The following TNC variants were observed in gnomAD, a reference collection of about 807,000 sequenced individuals.
TNC encodes the protein tenascin.
Under a neutral mutation model 202.4 loss-of-function variants are expected in TNC, and 109 were observed. That is an observed-to-expected ratio of 0.54 (90% confidence interval 0.46 to 0.63). The LOEUF is 0.63. Among genes scored for constraint, TNC ranks in the 30% least tolerant of loss-of-function variants. TNC has a pLI of 0.00. For synonymous variants in TNC, 1,007 were observed against 1,089.7 expected (o/e 0.92, Z 1.50); for missense variants, 2,756 against 2,833.3 (o/e 0.97, Z 0.62).
At chr9:115,110,949 G>C (rs1434513657) in intron 1 of TNC, among the ~76,000 whole-genome samples, 1 of 150,250 alleles carries the variant, frequency 6.7e-6, no homozygotes, top group East Asian at 2.0e-4. Flanking sequence ...GTGTGATCTC[G>C]GCTAACTGCA....
intron 1 of TNC, among the ~76,000 whole-genome samples, chr9:115,093,072 A>G (rs895219640): frequency 6.6e-6 from 1 of 152,192 alleles, no homozygotes; most frequent in East Asian, 1.9e-4. Flanking sequence ...ATGCATCAAC[A>G]TGATCCCAAC....
intron 1 of TNC, among the ~76,000 whole-genome samples, chr9:115,111,532 C>T (rs1837065483): frequency 6.7e-6 from 1 of 150,116 alleles, no homozygotes; most frequent in Non-Finnish European, 1.5e-5. Flanking sequence ...CTTCAGCTTC[C>T]TGAGTAGCTG....
At chr9:115,046,306 C>T (rs112503342) in intron 17 of TNC, 104 bp downstream of exon 17, 19 of 1,342,580 alleles carry the variant, frequency 1.4e-5, no homozygotes, top group South Asian at 4.1e-5. Context: ...AGGATCAGAG[C>T]GCCAGCCTGC....
intron 7 of TNC, 92 bp from the exon 8 acceptor site, chr9:115,076,667 G>T: frequency 1.4e-6 from 2 of 1,403,286 alleles, no homozygotes; most frequent in South Asian, 1.3e-5. Flanking sequence ...AAACGTGCCT[G>T]GAACTGGAGA....
At chr9:115,096,548 G>A (rs1385178209) in intron 1 of TNC, among the ~76,000 whole-genome samples, 1 of 152,200 alleles carries the variant, frequency 6.6e-6, no homozygotes, top group Non-Finnish European at 1.5e-5. Context: ...ATCAAGAAGA[G>A]TCTATAAGAA....
intron 15 of TNC, among the ~76,000 whole-genome samples, 185 bp downstream of exon 15, chr9:115,056,968 T>C (rs1186452344): frequency 2.0e-5 from 3 of 152,360 alleles, no homozygotes; most frequent in South Asian, 4.1e-4. Flanking sequence ...GCACATGTCT[T>C]TATGGCAATG....
chr9:115,063,596 G>A (rs552489922), intron 12 of TNC, among the ~76,000 whole-genome samples, 200 bp downstream of exon 12: 1 of 152,132 alleles, frequency 6.6e-6, no homozygotes, highest in Non-Finnish European at 1.5e-5. Flanking sequence ...GGAGGAGTAG[G>A]TGGAATTTTC....
intron 1 of TNC, among the ~76,000 whole-genome samples, chr9:115,113,958 G>A (rs1837267848): frequency 6.6e-6 from 1 of 152,178 alleles, no homozygotes; most frequent in South Asian, 2.1e-4. Flanking sequence ...GGGCATAACT[G>A]AAAAATGTCT....
At chr9:115,041,310 G>GA (rs1830731237) in intron 18 of TNC, among the ~76,000 whole-genome samples, 1 of 124,604 alleles carries the variant, frequency 8.0e-6, no homozygotes, top group Admixed American at 8.2e-5. Flanking sequence ...CAGGAGGGGC[G>GA]GGGGAAAACA....
intron 1 of TNC, among the ~76,000 whole-genome samples, chr9:115,102,966 GC>G (rs1163743057): frequency 6.6e-6 from 1 of 152,168 alleles, no homozygotes; most frequent in Admixed American, 6.5e-5. Context: ...TTTCCTGATG[GC>G]CCTAATGTAA....
At chr9:115,046,767 A>ACTAC in intron 16 of TNC, 85 bp from the exon 17 acceptor site, 5 of 1,489,384 alleles carry the variant, frequency 3.4e-6, no homozygotes, top group Non-Finnish European at 4.6e-6. Context: ...TAGGGGTATC[A>ACTAC]ATATGTAGTG....
At chr9:115,066,536 T>C (rs749733001) in intron 10 of TNC, among the ~76,000 whole-genome samples, 24 of 152,196 alleles carry the variant, frequency 1.6e-4, no homozygotes, top group Non-Finnish European at 3.4e-4. Context: ...AACTCAGACA[T>C]TTCTAAGTTC....
chr9:115,035,233 C>G lies in TNC; in HGVS notation c.5758G>C (p.Val1920Leu), dbSNP rs747230674. ...ACTGTGCCATCCACTGATTCATAGA[C>G]CAGCAGGTAACCGGTGACTGATGCC... The part of the protein sequence containing the change: ...PRASVTGYLL[V>L]YESVDGTVKE... The change falls in exon 22 of 28, where the codon GTC (valine) becomes CTC (leucine). Residue 1920 changes from valine (V) to leucine (L), a missense_variant. By Grantham distance (32) the Val-to-Leu change is conservative (BLOSUM62 1). Around this residue, in one of 2 missense-constraint regions of TNC, gnomAD observed 2,559 missense variants for 2,546.0 expected, o/e 1.01. Coordinates refer to ENST00000350763, the MANE Select transcript of TNC (RefSeq NM_002160.4). 1 of 1,613,040 alleles carries G rather than the reference C, an allele frequency of 6.2e-7. No individual in the cohort carries two copies.
At chr9:115,037,567 A>ACC (rs562840064) in intron 20 of TNC, among the ~76,000 whole-genome samples, 321 of 152,178 alleles carry the variant, frequency 2.1e-3, no homozygotes, top group Non-Finnish European at 3.7e-3. Context: ...TCCCTCTCTC[A>ACC]CCCAGGCTGG....
chr9:115,089,747 G>C (rs1006208831), intron 2 of TNC, among the ~76,000 whole-genome samples: 1 of 152,150 alleles, frequency 6.6e-6, no homozygotes. Flanking sequence ...TGATCCGCCC[G>C]CCTTAGCCTC....
chr9:115,038,399 G>C lies in TNC; in HGVS notation c.5393-19C>G. On this transcript the variant is annotated intron_variant, in intron 19 of 27. Transcript: ENST00000350763. Reference sequence around the variant, plus strand: ...TCCAGAGCTGCAAAGAAAGATGGTGGACAGGAGGGAAGTCATTGGGTGGGA... The same window carrying C: ...TCCAGAGCTGCAAAGAAAGATGGTGCACAGGAGGGAAGTCATTGGGTGGGA... 1 of 1,612,974 alleles carries C rather than the reference G, an allele frequency of 6.2e-7. No individual in the cohort carries two copies. Among genetic ancestry groups the C allele is most frequent in the Non-Finnish European group, 8.5e-7 (1 of 1,179,362 alleles).
rs746375553 is a variant in TNC, at chr9:115,041,044, C to T, written c.5289G>A (p.Gln1763=). The T allele has an allele frequency of 1.2e-6, 2 of 1,614,134 alleles. No homozygotes were observed. The highest frequency in any genetic ancestry group is 1.7e-6 in the Non-Finnish European group (2 of 1,180,002). ...SMVTVDGTKT[Q]TRLVKLIPGV... ...CAGGTATGAGTTTCACCAGCCTGGT[C>T]TGAGTCTTGGTTCCGTCCACAGTTA... The change falls in exon 19 of 28, where the codon CAG becomes CAA. Residue 1763 remains glutamine, a synonymous_variant. Transcript: ENST00000350763.
intron 19 of TNC, among the ~76,000 whole-genome samples, chr9:115,039,837 G>A (rs894421258): frequency 1.5e-4 from 23 of 152,362 alleles, no homozygotes; most frequent in East Asian, 3.9e-4. Flanking sequence ...ATCTGTTGCC[G>A]TGGAGAATCC....
At chr9:115,025,806 C>A (rs1025314633) in intron 26 of TNC, among the ~76,000 whole-genome samples, 1 of 152,180 alleles carries the variant, frequency 6.6e-6, no homozygotes, top group Non-Finnish European at 1.5e-5. Context: ...TTATTTATTT[C>A]TCCTCTTATG....
Sources: allele counts gnomAD v4.1 joint callset (sites outside exome capture counted in the v4.1 genomes callset), GRCh38; gene constraint gnomAD v4.1.1; regional missense constraint gnomAD v4.1.1; transcripts MANE v1.5; gene names NCBI Gene and HGNC (gene_info 2026-07-23, HGNC 2026-07-21).